The following FHIT variants were observed in gnomAD, a reference collection of about 807,000 sequenced individuals.
FHIT encodes the protein bis(5'-adenosyl)-triphosphatase.
In FHIT, 19 loss-of-function variants were observed where a neutral mutation model predicts 17.9. The ratio of observed to expected loss-of-function variants is 1.06; its 90% CI spans 0.74 to 1.56. The LOEUF is 1.56. Ranked by LOEUF, FHIT falls within the 40% of genes most tolerant of loss-of-function variation. The pLI is 0.00. For missense variants in FHIT, 248 were observed against 189.2 expected, an observed-to-expected ratio of 1.31 and a Z score of -1.82; for synonymous variants, 81 against 69.7, an observed-to-expected ratio of 1.16 and a Z score of -0.81.
At chr3:60,015,565 C>T (rs1450220849) in intron 5 of FHIT, among the ~76,000 whole-genome samples, 1 of 152,180 alleles carries the variant, frequency 6.6e-6, no homozygotes, top group Non-Finnish European at 1.5e-5. Flanking sequence ...TCCCACGAAG[C>T]TGCTTTTTCT....
chr3:60,492,773 C>A (rs1468323540), intron 5 of FHIT, among the ~76,000 whole-genome samples: 1 of 152,034 alleles, frequency 6.6e-6, no homozygotes, highest in Non-Finnish European at 1.5e-5. Context: ...CCAATGACAG[C>A]AATTTTTTAG....
At chr3:60,598,045 T>C (rs1576946620) in intron 4 of FHIT, among the ~76,000 whole-genome samples, 1 of 152,160 alleles carries the variant, frequency 6.6e-6, no homozygotes, top group Admixed American at 6.5e-5. Flanking sequence ...TTAGATCATA[T>C]TCTTTCATCT....
intron 5 of FHIT, among the ~76,000 whole-genome samples, chr3:60,234,510 T>C (rs1005795073): frequency 6.6e-6 from 1 of 152,222 alleles, no homozygotes; most frequent in Non-Finnish European, 1.5e-5. Flanking sequence ...ATGTAAGGAA[T>C]ATGACAGTTT....
At chr3:60,605,355 C>T (rs2038576629) in intron 4 of FHIT, among the ~76,000 whole-genome samples, 2 of 152,148 alleles carry the variant, frequency 1.3e-5, no homozygotes, top group African/African-American at 4.8e-5. Context: ...CTGGTGAGAA[C>T]ACATCAATAG....
At chr3:59,928,451 G>T (rs1705781027) in intron 7 of FHIT, among the ~76,000 whole-genome samples, 1 of 152,186 alleles carries the variant, frequency 6.6e-6, no homozygotes. Flanking sequence ...AATGTGAAAA[G>T]CCAAGCCAGA....
intron 4 of FHIT, among the ~76,000 whole-genome samples, chr3:60,605,087 A>T (rs1553670567): frequency 6.6e-6 from 1 of 152,010 alleles, no homozygotes; most frequent in Non-Finnish European, 1.5e-5. Flanking sequence ...TAAGTTGAGG[A>T]TTCTATACTC....
At chr3:60,868,963 A>G (rs182380895) in intron 3 of FHIT, among the ~76,000 whole-genome samples, 3 of 152,258 alleles carry the variant, frequency 2.0e-5, no homozygotes, top group Admixed American at 2.0e-4. Context: ...AGAATGTTTC[A>G]GTCTTTGGCC....
chr3:60,323,746 C>T (rs548434005), intron 5 of FHIT, among the ~76,000 whole-genome samples: 1 of 152,288 alleles, frequency 6.6e-6, no homozygotes, highest in South Asian at 2.1e-4. Flanking sequence ...AAATGGAAAA[C>T]CAGTATCACT....
intron 5 of FHIT, among the ~76,000 whole-genome samples, chr3:60,056,700 T>A (rs1047285189): frequency 1.3e-5 from 2 of 152,166 alleles, no homozygotes; most frequent in Non-Finnish European, 2.9e-5. Context: ...CTCAAAAGAC[T>A]TTTTGCTGGC....
intron 5 of FHIT, among the ~76,000 whole-genome samples, chr3:60,049,031 T>C (rs543370766): frequency 6.6e-6 from 1 of 152,206 alleles, no homozygotes; most frequent in Non-Finnish European, 1.5e-5. Context: ...CTCTCCAAGA[T>C]GTCACTTGGA....
rs143031858 is a variant in FHIT, at chr3:60,372,892, A to G, written c.103+163968T>C. On this transcript the variant is annotated intron_variant, in intron 5 of 9. Transcript: ENST00000492590. ...ATTCAGAGTGGAAATCAAATGACTT[A>G]GGCTGGTTACAAAGATTTAAGTTAA... Among the ~76,000 whole-genome samples the G allele has an allele frequency of 7.3e-3, 1,115 of 152,316 alleles. 13 individuals are homozygous for G. The highest frequency in any genetic ancestry group is 0.026 in the African/African-American group (1,072 of 41,560).
intron 5 of FHIT, among the ~76,000 whole-genome samples, chr3:60,167,793 G>A (rs891441829): frequency 1.3e-5 from 2 of 152,142 alleles, no homozygotes; most frequent in African/African-American, 2.4e-5. Flanking sequence ...CCAGCACTTT[G>A]GGAGGCTAAG....
At chr3:60,698,130 CAG>C in intron 4 of FHIT, among the ~76,000 whole-genome samples, 1 of 152,092 alleles carries the variant, frequency 6.6e-6, no homozygotes, top group East Asian at 1.9e-4. Context: ...TTGTAAAAGC[CAG>C]AGTCTTTTTT....
At chr3:60,474,196 C>A (rs2033232090) in intron 5 of FHIT, among the ~76,000 whole-genome samples, 1 of 152,156 alleles carries the variant, frequency 6.6e-6, no homozygotes, top group African/African-American at 2.4e-5. Context: ...TGCACCAGCA[C>A]CAAAGGCTAG....
intron 5 of FHIT, among the ~76,000 whole-genome samples, chr3:60,148,171 C>T (rs993988829): frequency 4.0e-5 from 6 of 151,848 alleles, no homozygotes; most frequent in Non-Finnish European, 7.4e-5. Flanking sequence ...ATTCCAGAGG[C>T]GAAAAGGAAA....
intron 4 of FHIT, among the ~76,000 whole-genome samples, chr3:60,626,783 C>T (rs868958859): frequency 1.3e-4 from 11 of 85,932 alleles, no homozygotes; most frequent in East Asian, 2.4e-4. Flanking sequence ...GGGGAAAACA[C>T]TCTTTTTTTT....
chr3:60,330,756 G>A (rs570433775), intron 5 of FHIT, among the ~76,000 whole-genome samples: 1 of 152,212 alleles, frequency 6.6e-6, no homozygotes, highest in Non-Finnish European at 1.5e-5. Flanking sequence ...GTTGTCTACA[G>A]AACGGGATTG....
chr3:61,128,356 G>C (rs1250950089), intron 2 of FHIT, among the ~76,000 whole-genome samples: 1 of 152,114 alleles, frequency 6.6e-6, no homozygotes, highest in Non-Finnish European at 1.5e-5. Flanking sequence ...AATTACAAAT[G>C]AAATATAAAA....
chr3:60,176,320 C>A (rs879683481), intron 5 of FHIT, among the ~76,000 whole-genome samples: 1 of 152,116 alleles, frequency 6.6e-6, no homozygotes, highest in Admixed American at 6.6e-5. Flanking sequence ...CCACTGCACT[C>A]CAGCCTGGGT....
Sources: allele counts gnomAD v4.1 joint callset (sites outside exome capture counted in the v4.1 genomes callset), GRCh38; gene constraint gnomAD v4.1.1; transcripts MANE v1.5; gene names NCBI Gene and HGNC (gene_info 2026-07-23, HGNC 2026-07-21).